TMEM135: variants seen among roughly 807,000 people sequenced by gnomAD.
The protein encoded by TMEM135 is transmembrane protein 135.
TMEM135 carries 30 observed loss-of-function variants against 60.3 expected under a neutral mutation model. The observed-to-expected ratio is 0.50, with a 90% CI of 0.37 to 0.68. The LOEUF (loss-of-function observed/expected upper bound fraction) is 0.68. TMEM135 is among the 30% of genes least tolerant of loss of function. TMEM135 has a pLI of 0.00. For synonymous variants in TMEM135, 190 were observed against 186.7 expected, an observed-to-expected ratio of 1.02 and a Z score of -0.14; for missense variants, 468 against 548.8, an observed-to-expected ratio of 0.85 and a Z score of 1.47.
Position 87,326,698 on chromosome 11 carries a change from C to T in TMEM135, c.*5365C>T. 2.2e-6 allele frequency: 1 copy of T among 452,126 alleles called. No homozygotes were observed. Among genetic ancestry groups the T allele is most frequent in the Non-Finnish European group, 4.4e-6 (1 of 226,354 alleles). The allele number at this position is 452,126 out of a possible 1,614,324, so 28.0% of individuals were successfully genotyped here. A position where few individuals can be genotyped will look rare whatever the true frequency, so the allele number is the denominator to read the frequency against. ...CATCTTGAGCTCTCAAGGGAAAAAA[C>T]AGGAGTCCTTATTTTTCTATTTATT... is the stretch of plus-strand genomic sequence containing the variant. On this transcript the variant is annotated 3_prime_UTR_variant, in exon 15 of 15. Transcript: ENST00000305494.
chr11:87,053,057 C>T (rs1054823317), intron 1 of TMEM135, among the ~76,000 whole-genome samples: 7 of 131,306 alleles, frequency 5.3e-5, no homozygotes, highest in Non-Finnish European at 3.1e-5. Context: ...AGTAAACTAT[C>T]GCAAGAACAA....
At chr11:87,052,992 T>C (rs1361709487) in intron 1 of TMEM135, among the ~76,000 whole-genome samples, 1 of 119,214 alleles carries the variant, frequency 8.4e-6, no homozygotes. Context: ...CCATAAAAAA[T>C]GATGAGTTCA....
intron 6 of TMEM135, among the ~76,000 whole-genome samples, chr11:87,253,224 G>A (rs1941456222): frequency 6.6e-6 from 1 of 152,080 alleles, no homozygotes; most frequent in Non-Finnish European, 1.5e-5. Flanking sequence ...GTTGTGCCCA[G>A]ATAGTTACTC....
intron 6 of TMEM135, among the ~76,000 whole-genome samples, chr11:87,245,215 A>T (rs1941238028): frequency 6.6e-6 from 1 of 151,496 alleles, no homozygotes; most frequent in African/African-American, 2.4e-5. Flanking sequence ...GGTCTGAGAG[A>T]CAGTTGGTTA....
Position 87,321,263 on chromosome 11 carries a change from A to G in TMEM135, c.1307A>G (p.Gln436Arg), listed in dbSNP as rs751571835. 6.2e-7 allele frequency: 1 copy of G among 1,613,738 alleles called. No individual in the cohort carries two copies. Among genetic ancestry groups the G allele is most frequent in the South Asian group, 1.1e-5 (1 of 91,074 alleles). Residue 436 changes from glutamine to arginine, a missense_variant, in exon 15 of 15, where the codon CAG becomes CGG. By Grantham distance (43) the Gln-to-Arg change is conservative. Transcript: ENST00000305494. ...GGTACTGGTGCATCTAAACACTTTC[A>G]GGATTTCATCCCCAGGTTGGATCCA... Reference protein sequence around the residue: ...VFGTGASKHFQDFIPRLDPRY... With the variant: ...VFGTGASKHFRDFIPRLDPRY...
intron 5 of TMEM135, among the ~76,000 whole-genome samples, chr11:87,191,668 A>G (rs1832632601): frequency 1.3e-5 from 2 of 152,084 alleles, no homozygotes; most frequent in Admixed American, 1.3e-4. Flanking sequence ...ATCATATATG[A>G]TTTCTAAGCA....
chr11:87,075,118 C>T (rs891666968), intron 3 of TMEM135, among the ~76,000 whole-genome samples: 1 of 152,058 alleles, frequency 6.6e-6, no homozygotes, highest in Non-Finnish European at 1.5e-5. Flanking sequence ...AGGTGCACAC[C>T]ACTATGCTCA....
Position 87,327,886 on chromosome 11 carries a change from A to G in TMEM135, c.*6553A>G, listed in dbSNP as rs1310586134. On this transcript the variant is annotated 3_prime_UTR_variant, in exon 15 of 15. Transcript: ENST00000305494. Reference sequence around the variant, plus strand: ...TGCTGCAGGGGAGAGAGAGAAGCCAATTCTCCTTTCTTCTGTTTTTATTCT... The same window carrying G: ...TGCTGCAGGGGAGAGAGAGAAGCCAGTTCTCCTTTCTTCTGTTTTTATTCT... 4.4e-6 allele frequency: 2 copies of G among 453,662 alleles called. No individual in the cohort carries two copies. Among genetic ancestry groups the G allele is most frequent in the Non-Finnish European group, 8.8e-6 (2 of 226,742 alleles). The allele number at this position is 453,662 out of a possible 1,614,324, so 28.1% of individuals were successfully genotyped here. A position where few individuals can be genotyped will look rare whatever the true frequency, so the allele number is the denominator to read the frequency against.
intron 4 of TMEM135, among the ~76,000 whole-genome samples, chr11:87,132,192 C>G (rs941942244): frequency 2.0e-5 from 3 of 152,014 alleles, no homozygotes; most frequent in Non-Finnish European, 4.4e-5. Context: ...ATCTGCACCC[C>G]CTCCCCGCCA....
At chr11:87,283,003 TG>T (rs1210968744) in intron 6 of TMEM135, among the ~76,000 whole-genome samples, 1 of 152,068 alleles carries the variant, frequency 6.6e-6, no homozygotes, top group Non-Finnish European at 1.5e-5. Context: ...TTCTCTTTCT[TG>T]GGGGTCAGGA....
intron 5 of TMEM135, among the ~76,000 whole-genome samples, chr11:87,189,758 G>GAA (rs796303818): frequency 1.0e-4 from 12 of 115,544 alleles, no homozygotes; most frequent in Non-Finnish European, 1.5e-4. Context: ...CGTCTCCACA[G>GAA]AAAAAAAAAA....
chr11:87,118,199 A>G (rs1857939882), intron 4 of TMEM135, among the ~76,000 whole-genome samples: 1 of 152,160 alleles, frequency 6.6e-6, no homozygotes, highest in African/African-American at 2.4e-5. Context: ...AGATTTAGGT[A>G]ATTCTTAAGG....
chr11:87,135,352 C>G (rs1938059683), intron 4 of TMEM135, among the ~76,000 whole-genome samples: 1 of 151,902 alleles, frequency 6.6e-6, no homozygotes, highest in South Asian at 2.1e-4. Context: ...CTTCATAGTT[C>G]TAGATTTTAC....
At chr11:87,158,815 T>C (rs920632310) in intron 5 of TMEM135, among the ~76,000 whole-genome samples, 2 of 152,218 alleles carry the variant, frequency 1.3e-5, no homozygotes, top group African/African-American at 2.4e-5. Context: ...AAAGACTTAA[T>C]TGATCCCTTT....
chr11:87,150,215 C>CG (rs763579631), intron 4 of TMEM135, among the ~76,000 whole-genome samples: 3 of 109,910 alleles, frequency 2.7e-5, no homozygotes, highest in African/African-American at 9.9e-5. Context: ...AACTCTGTCT[C>CG]AAAAAAAAAA....
At chr11:87,222,406 G>A (rs1232366225) in intron 5 of TMEM135, among the ~76,000 whole-genome samples, 5 of 150,608 alleles carry the variant, frequency 3.3e-5, no homozygotes, top group Non-Finnish European at 5.9e-5. Flanking sequence ...GCTGAGGCAG[G>A]AGAATGGCGT....
chr11:87,146,273 C>G (rs1435296713), intron 4 of TMEM135, among the ~76,000 whole-genome samples: 2 of 152,140 alleles, frequency 1.3e-5, no homozygotes, highest in African/African-American at 4.8e-5. Context: ...CCCAGCTACT[C>G]AGGAGGCTGA....
At chr11:87,284,806 G>C (rs753011880) in intron 6 of TMEM135, among the ~76,000 whole-genome samples, 2 of 152,180 alleles carry the variant, frequency 1.3e-5, no homozygotes, top group Non-Finnish European at 2.9e-5. Context: ...TTCAAGTTCA[G>C]ATATTTGTAT....
At chr11:87,261,010 G>GTAAT (rs1166576206) in intron 6 of TMEM135, among the ~76,000 whole-genome samples, 2 of 152,100 alleles carry the variant, frequency 1.3e-5, no homozygotes, top group African/African-American at 4.8e-5. Context: ...AATAACTTCT[G>GTAAT]TAATTGTCTT....
Sources: gnomAD v4.1 joint callset for allele counts (sites outside exome capture counted in the v4.1 genomes callset) on GRCh38, gnomAD v4.1.1 for gene constraint, MANE v1.5 for transcripts, NCBI Gene and HGNC (gene_info 2026-07-23, HGNC 2026-07-21) for gene names.